Variants in HDAC9 observed in about 807,000 individuals in gnomAD.
HDAC9 encodes MEF-2 interacting transcription repressor (MITR) protein.
HDAC9 carries 41 observed loss-of-function variants against 139.4 expected under a neutral mutation model. The observed-to-expected ratio is 0.29, with a 90% CI of 0.23 to 0.38. HDAC9 has a LOEUF of 0.38. Among genes scored for constraint, HDAC9 ranks in the 10% least tolerant of loss-of-function variants. The probability of loss-of-function intolerance (pLI) is 1.00; values close to 1 mark genes in which losing one functional copy is unlikely to be tolerated. For missense variants in HDAC9, 1,147 were observed against 1,297.0 expected (o/e 0.88, Z 1.78); for synonymous variants, 517 against 476.2 (o/e 1.09, Z -1.12).
chr7:18,717,630 C>A (rs1342580485), intron 12 of HDAC9, among the ~76,000 whole-genome samples: 1 of 152,054 alleles, frequency 6.6e-6, no homozygotes, highest in East Asian at 1.9e-4. Flanking sequence ...GGGATTTCCC[C>A]ATGTTGGTCA....
chr7:18,990,055 A>C (rs1418680993), intron 25 of HDAC9, among the ~76,000 whole-genome samples: 4 of 152,112 alleles, frequency 2.6e-5, no homozygotes, highest in Non-Finnish European at 5.9e-5. Context: ...CTCTCAGCTC[A>C]TCAAAGTCAT....
At chr7:18,307,611 T>G (rs1799014541) in intron 1 of HDAC9, among the ~76,000 whole-genome samples, 1 of 152,134 alleles carries the variant, frequency 6.6e-6, no homozygotes, top group African/African-American at 2.4e-5. Context: ...TGGGCCAGGC[T>G]GACCAACATG....
intron 2 of HDAC9, among the ~76,000 whole-genome samples, chr7:18,560,423 A>C (rs73062323): frequency 0.092 from 13,972 of 151,986 alleles, 721 homozygotes; most frequent in South Asian, 0.18. Flanking sequence ...GTTTCTGCTT[A>C]CTCCCCACCC....
chr7:18,842,734 A>G (rs1188650815), intron 21 of HDAC9, among the ~76,000 whole-genome samples: 2 of 152,158 alleles, frequency 1.3e-5, no homozygotes, highest in Non-Finnish European at 2.9e-5. Flanking sequence ...TCAAAAAATT[A>G]CAATTTCTAG....
intron 2 of HDAC9, chr7:18,543,569 G>A (rs1813715501): frequency 6.6e-6 from 1 of 151,928 alleles, no homozygotes; most frequent in African/African-American, 2.4e-5. Flanking sequence ...ATGCAGATCT[G>A]TTCATCATAT....
chr7:18,800,963 G>A (rs2129183629), intron 17 of HDAC9, among the ~76,000 whole-genome samples: 1 of 152,044 alleles, frequency 6.6e-6, no homozygotes, highest in African/African-American at 2.4e-5. Context: ...TGTACAAAGG[G>A]GCTGTTTATT....
chr7:18,998,885 T>C lies in HDAC9; in HGVS notation c.*2823T>C, dbSNP rs917363289. 2 of 152,188 alleles carry C rather than the reference T, an allele frequency of 1.3e-5. No homozygotes were observed. The highest frequency in any genetic ancestry group is 2.4e-5 in the African/African-American group (1 of 41,452). 9.4% of individuals were successfully genotyped at this position (152,188 alleles called of 1,614,324 possible). On this transcript the variant is annotated 3_prime_UTR_variant, in exon 26 of 26. Transcript: ENST00000686413. Reference sequence around the variant, plus strand: ...AATTTAATAAGCTGTCAAACGTAGGTATAAAAAGAAGGCTTAAAAATTAAT... The same window carrying C: ...AATTTAATAAGCTGTCAAACGTAGGCATAAAAAGAAGGCTTAAAAATTAAT...
chr7:18,466,595 G>C (rs1229804302), intron 1 of HDAC9, among the ~76,000 whole-genome samples: 1 of 152,118 alleles, frequency 6.6e-6, no homozygotes, highest in Non-Finnish European at 1.5e-5. Flanking sequence ...ATCTCTGACC[G>C]ACTCCTCTGA....
intron 24 of HDAC9, among the ~76,000 whole-genome samples, chr7:18,966,455 C>T (rs1783855307): frequency 6.6e-6 from 1 of 152,080 alleles, no homozygotes; most frequent in Non-Finnish European, 1.5e-5. Flanking sequence ...GTAATCCTAG[C>T]ACTTTGTGAG....
At position 18,968,958 on chromosome 7, in the gene HDAC9, CAAAAAAAAAA is replaced by C. The variant is rs34379636; in HGVS notation, c.3023-6833_3023-6824del. ...TGGACGACAGAGCGAGCCTCCCTCT[CAAAAAAAAAA>C]AAAAAAAAAAAAAAGAATCACTTTA... On this transcript the variant is annotated intron_variant, in intron 24 of 25. Coordinates refer to ENST00000686413, the MANE Select transcript of HDAC9 (RefSeq NM_178425.4). Among the ~76,000 whole-genome samples the C allele has an allele frequency of 2.7e-4, 12 of 45,192 alleles. 1 individual carries two copies. Among genetic ancestry groups the C allele is most frequent in the South Asian group, 1.6e-3 (1 of 626 alleles). 29.6% of individuals were successfully genotyped at this position (45,192 alleles called of 152,430 possible).
chr7:18,341,584 A>G (rs1315861543), intron 1 of HDAC9, among the ~76,000 whole-genome samples: 3 of 151,374 alleles, frequency 2.0e-5, no homozygotes, highest in Non-Finnish European at 4.4e-5. Flanking sequence ...TAGAACTTCT[A>G]TTTTGTTCTT....
chr7:18,540,193 A>C (rs1812346885), intron 2 of HDAC9, among the ~76,000 whole-genome samples: 1 of 150,874 alleles, frequency 6.6e-6, no homozygotes, highest in Admixed American at 6.6e-5. Context: ...GAATCACTTG[A>C]ACCCGGGAAG....
intron 22 of HDAC9, among the ~76,000 whole-genome samples, chr7:18,917,476 A>G (rs1275783378): frequency 1.3e-5 from 2 of 151,904 alleles, no homozygotes; most frequent in African/African-American, 2.4e-5. Context: ...TGATTGAGCA[A>G]ATTCTGCAAG....
At chr7:18,462,030 A>G (rs541773676) in intron 1 of HDAC9, among the ~76,000 whole-genome samples, 1 of 152,114 alleles carries the variant, frequency 6.6e-6, no homozygotes, top group Non-Finnish European at 1.5e-5. Flanking sequence ...GTTTTGACTA[A>G]GTATTTCTTG....
At chr7:18,970,648 A>T (rs185547123) in intron 24 of HDAC9, among the ~76,000 whole-genome samples, 1 of 152,158 alleles carries the variant, frequency 6.6e-6, no homozygotes, top group Non-Finnish European at 1.5e-5. Flanking sequence ...TTAAAAACGT[A>T]TTAAGTTTTA....
chr7:18,740,644 C>T (rs1031545018), intron 13 of HDAC9, among the ~76,000 whole-genome samples: 3 of 152,092 alleles, frequency 2.0e-5, no homozygotes, highest in Non-Finnish European at 4.4e-5. Context: ...ACCCACAGTC[C>T]CTTTGTGTTC....
At chr7:18,386,403 A>G (rs188220923) in intron 1 of HDAC9, among the ~76,000 whole-genome samples, 18 of 152,130 alleles carry the variant, frequency 1.2e-4, no homozygotes, top group East Asian at 1.9e-4. Context: ...TCTTATTTTC[A>G]TTGAACTTGC....
At chr7:18,287,564 A>T (rs1797532224), upstream of HDAC9, among the ~76,000 whole-genome samples, 1 of 152,196 alleles carries the variant, frequency 6.6e-6, no homozygotes, top group South Asian at 2.1e-4. Flanking sequence ...CTCTTGATAG[A>T]TGGGGATTCT....
intron 2 of HDAC9, among the ~76,000 whole-genome samples, chr7:18,195,500 A>T (rs184967518): frequency 8.6e-5 from 13 of 151,978 alleles, no homozygotes; most frequent in Admixed American, 8.5e-4. Flanking sequence ...ATGCTGCCAG[A>T]TAAGTTGAGG....
Sources: allele counts gnomAD v4.1 joint callset (sites outside exome capture counted in the v4.1 genomes callset), GRCh38; gene constraint gnomAD v4.1.1; transcripts MANE v1.5; gene names NCBI Gene and HGNC (gene_info 2026-07-23, HGNC 2026-07-21).